The following RAVER2 variants were observed in gnomAD, a reference collection of about 807,000 sequenced individuals.
The protein encoded by RAVER2 is ribonucleoprotein, PTB binding 2.
In RAVER2, 46 loss-of-function variants were observed where a neutral mutation model predicts 78.1. The observed-to-expected ratio is 0.59, with a 90% confidence interval of 0.46 to 0.75. The LOEUF is 0.75. Ranked by LOEUF, RAVER2 falls within the 30% of genes least tolerant of loss-of-function variation. RAVER2 has a pLI of 0.00. For missense variants in RAVER2, 793 were observed against 837.5 expected (o/e 0.95, Z 0.66); for synonymous variants, 311 against 313.3 (o/e 0.99, Z 0.08).
chr1:64,811,010 A>T (rs1458804243), intron 9 of RAVER2, among the ~76,000 whole-genome samples: 1 of 152,250 alleles, frequency 6.6e-6, no homozygotes, highest in Non-Finnish European at 1.5e-5. Context: ...ATATATGTAG[A>T]TATTAGTCTA....
At chr1:64,809,790 C>G (rs998309682) in intron 9 of RAVER2, among the ~76,000 whole-genome samples, 1 of 152,154 alleles carries the variant, frequency 6.6e-6, no homozygotes, top group Non-Finnish European at 1.5e-5. Context: ...CAGGTAACCA[C>G]CGTTTCTACT....
intron 1 of RAVER2, among the ~76,000 whole-genome samples, chr1:64,758,590 T>C (rs975579822): frequency 3.9e-5 from 6 of 152,198 alleles, no homozygotes; most frequent in Non-Finnish European, 7.3e-5. Context: ...GGTCTTCAGC[T>C]GACAGCCAGC....
intron 1 of RAVER2, among the ~76,000 whole-genome samples, chr1:64,754,138 A>G (rs1314456452): frequency 1.3e-5 from 2 of 152,180 alleles, no homozygotes; most frequent in Non-Finnish European, 2.9e-5. Context: ...TTTTAAGACT[A>G]TAAGATTGGA....
chr1:64,795,385 T>C (rs914777646), intron 5 of RAVER2, among the ~76,000 whole-genome samples: 3 of 152,160 alleles, frequency 2.0e-5, no homozygotes, highest in Admixed American at 6.5e-5. Context: ...ATTGTGTTGA[T>C]TTGTATGCTA....
intron 4 of RAVER2, among the ~76,000 whole-genome samples, chr1:64,783,955 C>G (rs533869709): frequency 5.3e-5 from 8 of 152,322 alleles, no homozygotes; most frequent in Admixed American, 4.6e-4. Context: ...ATTTCCCTCT[C>G]AAGTCTAATG....
intron 1 of RAVER2, among the ~76,000 whole-genome samples, chr1:64,755,097 A>G (rs1651815426): frequency 6.6e-6 from 1 of 152,230 alleles, no homozygotes; most frequent in Non-Finnish European, 1.5e-5. Context: ...AGAAGTTACA[A>G]TGTAATATTT....
Position 64,827,107 on chromosome 1 carries a change from G to A in RAVER2, c.1930-3732G>A, listed in dbSNP as rs566573402. Among the ~76,000 whole-genome samples the A allele has an allele frequency of 3.9e-5, 6 of 152,202 alleles. No individual in the cohort carries two copies. The East Asian group carries it at 5.8e-4, about 15-fold the overall frequency. On this transcript the variant is annotated intron_variant, in intron 11 of 11. Coordinates refer to ENST00000294428, the Ensembl canonical transcript of RAVER2. ...GAGAACCATCGCATTCCTGTAAATC[G>A]CTATAATTGTGAATTGCATGAAATT...
chr1:64,800,831 T>G (rs1040702956), intron 5 of RAVER2, among the ~76,000 whole-genome samples: 2 of 152,150 alleles, frequency 1.3e-5, no homozygotes, highest in Non-Finnish European at 2.9e-5. Context: ...TTGAATTAAA[T>G]AGTTTCCTGT....
intron 5 of RAVER2, 84 bp downstream of exon 5, chr1:64,789,598 A>G (rs924049626): frequency 1.0e-5 from 12 of 1,151,180 alleles, no homozygotes; most frequent in African/African-American, 1.6e-5. Flanking sequence ...GGAAAAATAC[A>G]TTGATTTGTG....
exon 12 of RAVER2, chr1:64,832,013 C>CTAAT (rs1407338995): frequency 6.6e-6 from 1 of 151,816 alleles, no homozygotes. Flanking sequence ...AGCACTAATT[C>CTAAT]TAATAGCAAC....
intron 4 of RAVER2, among the ~76,000 whole-genome samples, chr1:64,788,520 G>A (rs941828295): frequency 4.0e-5 from 6 of 149,560 alleles, no homozygotes; most frequent in South Asian, 4.3e-4. Flanking sequence ...TGGGTCAGTC[G>A]CGGTGGCTCA....
intron 1 of RAVER2, among the ~76,000 whole-genome samples, chr1:64,758,367 GT>G (rs1651911891): frequency 2.0e-5 from 3 of 152,090 alleles, no homozygotes; most frequent in African/African-American, 7.2e-5. Context: ...TTACTAATCA[GT>G]TGATTTAGGG....
At chr1:64,822,106 G>T (rs1398298711) in intron 11 of RAVER2, among the ~76,000 whole-genome samples, 1 of 152,190 alleles carries the variant, frequency 6.6e-6, no homozygotes, top group Non-Finnish European at 1.5e-5. Flanking sequence ...GCTAACAACA[G>T]TGAGACCCCG....
exon 11 of RAVER2, chr1:64,814,713 G>A: frequency 1.4e-6 from 2 of 1,467,282 alleles, no homozygotes; most frequent in Non-Finnish European, 1.8e-6. Context: ...GCCCCTGCAA[G>A]TAAAACCACT....
At chr1:64,771,735 T>TA (rs1187202057) in intron 2 of RAVER2, among the ~76,000 whole-genome samples, 1 of 152,074 alleles carries the variant, frequency 6.6e-6, no homozygotes, top group African/African-American at 2.4e-5. Context: ...TGTGATAAGT[T>TA]AAAGATGTAT....
chr1:64,803,996 C>T (rs1286727986), intron 6 of RAVER2, among the ~76,000 whole-genome samples: 8 of 152,266 alleles, frequency 5.3e-5, no homozygotes, highest in Admixed American at 4.6e-4. Flanking sequence ...TACATTTGAG[C>T]TGGCCCCTCC....
At chr1:64,831,687 GGGTCCACATTT>G (rs1380991190) in exon 12 of RAVER2, 1 of 152,160 alleles carries the variant, frequency 6.6e-6, no homozygotes, top group Non-Finnish European at 1.5e-5. Flanking sequence ...ACTACACCCT[GGGTCCACATTT>G]GGTCTACCAC....
chr1:64,783,828 T>C (rs569072183), intron 4 of RAVER2, among the ~76,000 whole-genome samples: 7 of 152,230 alleles, frequency 4.6e-5, no homozygotes, highest in Non-Finnish European at 1.0e-4. Context: ...AATAGACAAA[T>C]GGGATCTAAT....
chr1:64,769,448 C>G (rs930475129), intron 2 of RAVER2, among the ~76,000 whole-genome samples: 1 of 152,020 alleles, frequency 6.6e-6, no homozygotes, highest in African/African-American at 2.4e-5. Context: ...CCAATTTATG[C>G]AATTACATTT....
Sources: gnomAD v4.1 joint callset for allele counts (sites outside exome capture counted in the v4.1 genomes callset) on GRCh38, gnomAD v4.1.1 for gene constraint, MANE v1.5 for transcripts, NCBI Gene and HGNC (gene_info 2026-07-23, HGNC 2026-07-21) for gene names.